The following HIVEP1 variants were observed in gnomAD, a reference collection of about 807,000 sequenced individuals.
HIVEP1 encodes zinc finger protein 40.
In HIVEP1, 36 loss-of-function variants were observed where a neutral mutation model predicts 180.0. The observed-to-expected ratio is 0.20, with a 90% CI of 0.15 to 0.26. HIVEP1 has a LOEUF of 0.26. Among genes scored for constraint, HIVEP1 ranks in the 10% least tolerant of loss-of-function variants. HIVEP1 has a pLI of 1.00. For synonymous variants in HIVEP1, 1,239 were observed against 1,239.0 expected, an observed-to-expected ratio of 1.00 and a Z score of 0.00; for missense variants, 3,143 against 3,268.7, an observed-to-expected ratio of 0.96 and a Z score of 0.94.
At chr6:12,206,711 G>A in the HIVEP1 span, among the ~76,000 whole-genome samples, 11 of 152,122 alleles carry the variant, frequency 7.2e-5, no homozygotes, top group Non-Finnish European at 1.6e-4. Context: ...CAGTCCTAGG[G>A]AACCAGAATG....
chr6:12,163,555 G>C lies in HIVEP1; in HGVS notation c.7251G>C (p.Val2417=), dbSNP rs1562018076. The C allele has an allele frequency of 2.5e-6, 4 of 1,614,164 alleles. No individual in the cohort carries two copies. Among genetic ancestry groups the C allele is most frequent in the Non-Finnish European group, 3.4e-6 (4 of 1,180,024 alleles). The change falls in exon 9 of 9, where the codon GTG becomes GTC. Residue 2417 remains valine (V), a synonymous_variant. Transcript: ENST00000379388. ...CTGGCCTCACATACTCCACGTTTGT[G>C]CCCCTTCAGGCTGGACCAGTGCAGC... is the stretch of plus-strand genomic sequence containing the variant. ...VPAGLTYSTF[V]PLQAGPVQLT...
At chr6:12,143,517 T>C (rs969748616) in intron 7 of HIVEP1, among the ~76,000 whole-genome samples, 2 of 152,188 alleles carry the variant, frequency 1.3e-5, no homozygotes, top group African/African-American at 2.4e-5. Context: ...TTCAAAATAG[T>C]GTTGGAAGTT....
intron 2 of HIVEP1, among the ~76,000 whole-genome samples, chr6:12,057,893 A>C (rs1419401909): frequency 1.3e-5 from 2 of 152,240 alleles, no homozygotes; most frequent in Non-Finnish European, 2.9e-5. Flanking sequence ...TTGGGGAAGA[A>C]CGTTTAGAGT....
At chr6:12,105,323 G>A (rs909731286) in intron 3 of HIVEP1, among the ~76,000 whole-genome samples, 5 of 152,152 alleles carry the variant, frequency 3.3e-5, no homozygotes, top group Non-Finnish European at 7.3e-5. Context: ...TCTGTCATTT[G>A]TACCTTTATA....
intron 2 of HIVEP1, among the ~76,000 whole-genome samples, chr6:12,074,536 G>A (rs940235865): frequency 6.6e-6 from 1 of 152,038 alleles, no homozygotes; most frequent in Non-Finnish European, 1.5e-5. Context: ...AATAATGATA[G>A]TGTAGTGTAG....
intron 2 of HIVEP1, among the ~76,000 whole-genome samples, chr6:12,021,054 C>G (rs1223365017): frequency 6.6e-6 from 1 of 152,048 alleles, no homozygotes; most frequent in Non-Finnish European, 1.5e-5. Flanking sequence ...CCACGCACAG[C>G]TAATTTTTTT....
At chr6:12,113,854 A>G (rs895576685) in intron 3 of HIVEP1, among the ~76,000 whole-genome samples, 2 of 152,128 alleles carry the variant, frequency 1.3e-5, no homozygotes, top group African/African-American at 4.8e-5. Context: ...TCTCCCAGGC[A>G]TTTCCTTACC....
chr6:12,019,958 G>T (rs55964029), intron 2 of HIVEP1, among the ~76,000 whole-genome samples: 6,413 of 152,310 alleles, frequency 0.042, 180 homozygotes, highest in Middle Eastern at 0.15. Flanking sequence ...TCATGGAAGA[G>T]TATAGAAAGT....
At chr6:12,113,891 C>T (rs1296267083) in intron 3 of HIVEP1, among the ~76,000 whole-genome samples, 1 of 152,222 alleles carries the variant, frequency 6.6e-6, no homozygotes, top group Non-Finnish European at 1.5e-5. Flanking sequence ...GTTCCCACAT[C>T]TATGTGGTAG....
In HIVEP1 at chr6:12,161,607, G is replaced by T. The variant is rs1409676898; in HGVS notation, c.6656G>T (p.Arg2219Ile). ...GCTAGCCCGCAGCACCTTCCATCTA[G>T]AAGTAGCCTTCAGGACCCTGTGAGT... ...VTASPQHLPS[R>I]SSLQDPVSTD... The change falls in exon 8 of 9, where the codon AGA becomes ATA. Residue 2219 changes from arginine (R) to isoleucine (I), a missense_variant. Physicochemically the swap from Arg to Ile is moderately conservative, Grantham distance 97. This residue lies in a region of HIVEP1 where 126 missense variants were observed against 168.5 expected (regional missense o/e 0.75). Transcript: ENST00000379388. 1 of 1,614,122 alleles carries T rather than the reference G, an allele frequency of 6.2e-7. No homozygotes were observed. Among genetic ancestry groups the T allele is most frequent in the Non-Finnish European group, 8.5e-7 (1 of 1,180,020 alleles).
the HIVEP1 span, among the ~76,000 whole-genome samples, chr6:12,211,421 G>GA: frequency 2.2e-5 from 3 of 138,688 alleles, no homozygotes; most frequent in East Asian, 2.1e-4. Flanking sequence ...AAAAGAAAAA[G>GA]AAAAAAGAGT....
chr6:12,055,176 A>G (rs1770778193), intron 2 of HIVEP1, among the ~76,000 whole-genome samples: 1 of 152,250 alleles, frequency 6.6e-6, no homozygotes, highest in Admixed American at 6.5e-5. Flanking sequence ...CAGGAAAGAA[A>G]ATTCTTCAGT....
At chr6:12,108,609 A>G (rs1581697389) in intron 3 of HIVEP1, among the ~76,000 whole-genome samples, 1 of 152,162 alleles carries the variant, frequency 6.6e-6, no homozygotes, top group South Asian at 2.1e-4. Context: ...GACCCAGTAC[A>G]CCCTCTGCAG....
chr6:12,083,479 C>T (rs781076634), intron 2 of HIVEP1, among the ~76,000 whole-genome samples: 3 of 152,046 alleles, frequency 2.0e-5, no homozygotes, highest in Non-Finnish European at 4.4e-5. Flanking sequence ...GAGTAAGATA[C>T]AGTTTGATGT....
At chr6:12,011,552 C>G (rs1407676513), upstream of HIVEP1, among the ~76,000 whole-genome samples, 2 of 150,572 alleles carry the variant, frequency 1.3e-5, no homozygotes, top group East Asian at 4.0e-4. Context: ...CTCCCGCCCC[C>G]CGCGTCCCTA....
chr6:12,009,481 G>A (rs1177436983), upstream of HIVEP1, among the ~76,000 whole-genome samples: 1 of 152,196 alleles, frequency 6.6e-6, no homozygotes, highest in Non-Finnish European at 1.5e-5. Context: ...CTTTTTTGGG[G>A]GCAGAGAATG....
intron 3 of HIVEP1, among the ~76,000 whole-genome samples, chr6:12,097,699 T>C (rs766844148): frequency 1.3e-5 from 2 of 152,130 alleles, no homozygotes; most frequent in East Asian, 3.9e-4. Context: ...TGTCAATATT[T>C]TGAGAAATTT....
the HIVEP1 span, among the ~76,000 whole-genome samples, chr6:12,187,123 T>C: frequency 6.6e-6 from 1 of 152,102 alleles, no homozygotes; most frequent in Non-Finnish European, 1.5e-5. Context: ...CAGTGGTTGG[T>C]TGAAATATTA....
the HIVEP1 span, among the ~76,000 whole-genome samples, chr6:12,171,325 T>A: frequency 6.6e-6 from 1 of 152,158 alleles, no homozygotes; most frequent in Non-Finnish European, 1.5e-5. Context: ...AGTGCTGGGA[T>A]TACAGGCAGA....
Sources: gnomAD v4.1 joint callset for allele counts (sites outside exome capture counted in the v4.1 genomes callset) on GRCh38, gnomAD v4.1.1 for gene constraint, gnomAD v4.1.1 regional missense constraint, MANE v1.5 for transcripts, NCBI Gene and HGNC (gene_info 2026-07-23, HGNC 2026-07-21) for gene names.